The following DYNC1I1 variants were observed in gnomAD, a reference collection of about 807,000 sequenced individuals.
DYNC1I1 encodes the protein dynein cytoplasmic 1 intermediate chain 1.
Under a neutral mutation model 86.6 loss-of-function variants are expected in DYNC1I1, and 43 were observed. That is an observed-to-expected ratio of 0.50 (90% CI 0.39 to 0.64). The LOEUF (loss-of-function observed/expected upper bound fraction) is 0.64. Ranked by LOEUF, DYNC1I1 falls within the 30% of genes least tolerant of loss-of-function variation. The pLI is 0.00. For synonymous variants in DYNC1I1, 262 were observed against 283.7 expected, an observed-to-expected ratio of 0.92 and a Z score of 0.77; for missense variants, 604 against 788.8, an observed-to-expected ratio of 0.77 and a Z score of 2.81.
intron 16 of DYNC1I1, among the ~76,000 whole-genome samples, chr7:96,106,765 G>A (rs1042875992): frequency 6.6e-6 from 1 of 152,100 alleles, no homozygotes; most frequent in Non-Finnish European, 1.5e-5. Flanking sequence ...TCTGCTTAGT[G>A]AGAAAACATA....
At chr7:96,041,598 A>G (rs1427603266) in intron 14 of DYNC1I1, among the ~76,000 whole-genome samples, 1 of 152,198 alleles carries the variant, frequency 6.6e-6, no homozygotes, top group Non-Finnish European at 1.5e-5. Context: ...GTGTGAATCA[A>G]AAGTATGGTA....
In DYNC1I1 at chr7:95,869,988, T is replaced by C; in HGVS notation, c.480T>C (p.His160=). The C allele has an allele frequency of 6.2e-7, 1 of 1,613,498 alleles. No homozygotes were observed. The highest frequency in any genetic ancestry group is 8.5e-7 in the Non-Finnish European group (1 of 1,179,744). ...AGACCCAGACTCCTCTTGCCACGCATCAGTCTGAAGGTAAACTATGTCTTT... is the reference window on the plus strand; with the variant it reads ...AGACCCAGACTCCTCTTGCCACGCACCAGTCTGAAGGTAAACTATGTCTTT... The part of the protein sequence containing the change: ...SKETQTPLAT[H]QSEEDEEDEE... The change falls in exon 6 of 17, where the codon CAT becomes CAC. Residue 160 remains histidine (H), a synonymous_variant. Coordinates refer to ENST00000447467, the MANE Select transcript of DYNC1I1 (RefSeq NM_001135556.2).
intron 1 of DYNC1I1, chr7:95,804,326 G>A (rs530205915): frequency 5.5e-6 from 7 of 1,263,658 alleles, no homozygotes; most frequent in Non-Finnish European, 6.1e-6. Flanking sequence ...TTTTCTCAGT[G>A]TGGGGATGAA....
At chr7:95,897,551 A>G (rs1357970398) in intron 6 of DYNC1I1, among the ~76,000 whole-genome samples, 1 of 152,162 alleles carries the variant, frequency 6.6e-6, no homozygotes, top group Non-Finnish European at 1.5e-5. Context: ...AGGGCAGGAA[A>G]GAAGAATTTA....
intron 6 of DYNC1I1, among the ~76,000 whole-genome samples, chr7:95,973,376 G>A (rs545861156): frequency 1.8e-4 from 27 of 152,266 alleles, no homozygotes; most frequent in African/African-American, 6.0e-4. Flanking sequence ...AAGGCTGATA[G>A]ACAAAGAATT....
At chr7:96,110,144 T>C (rs570086560), downstream of DYNC1I1, 3 of 416,406 alleles carry the variant, frequency 7.2e-6, no homozygotes, top group East Asian at 8.5e-5. Flanking sequence ...GGAAGTATAA[T>C]TGTGGATATC....
intron 6 of DYNC1I1, among the ~76,000 whole-genome samples, chr7:95,940,773 T>C (rs928708619): frequency 9.8e-5 from 15 of 152,346 alleles, no homozygotes; most frequent in Middle Eastern, 3.4e-3. Context: ...AGTAGTTTGA[T>C]CATCTGAAGC....
At position 95,801,609 on chromosome 7, in the gene DYNC1I1, T is replaced by G. The variant is rs771856061; in HGVS notation, c.-9-3112T>G. On this transcript the variant is annotated intron_variant, in intron 1 of 16. Coordinates refer to ENST00000447467, the MANE Select transcript of DYNC1I1 (RefSeq NM_001135556.2). ...CTCACATTTTCTAAGAAGATTCTCC[T>G]GGCTGCTTTCAGCTTAGAATGAAAC... 6.8e-4 allele frequency among the ~76,000 whole-genome samples: 104 copies of G among 152,344 alleles called. 1 individual carries two copies. The highest frequency in any genetic ancestry group is 1.4e-3 in the Non-Finnish European group (94 of 68,030).
At chr7:96,005,774 C>A (rs1168265410) in intron 10 of DYNC1I1, among the ~76,000 whole-genome samples, 1 of 152,150 alleles carries the variant, frequency 6.6e-6, no homozygotes. Flanking sequence ...TTCAGAAAAT[C>A]CACACGGGGA....
chr7:95,964,909 G>A (rs1187075210), intron 6 of DYNC1I1, among the ~76,000 whole-genome samples: 1 of 152,184 alleles, frequency 6.6e-6, no homozygotes, highest in African/African-American at 2.4e-5. Context: ...AAAGCTGTGA[G>A]GTGTGAGTTC....
intron 6 of DYNC1I1, among the ~76,000 whole-genome samples, chr7:95,961,576 T>C (rs934495351): frequency 6.6e-6 from 1 of 152,204 alleles, no homozygotes. Context: ...CAATATAGAA[T>C]GGCAGAAGTT....
intron 3 of DYNC1I1, 178 bp from the exon 4 acceptor site, chr7:95,813,069 A>C (rs1584246207): frequency 5.2e-6 from 7 of 1,341,918 alleles, no homozygotes; most frequent in Middle Eastern, 5.3e-4. Context: ...CAAAAAATTC[A>C]CTGGACTTTT....
chr7:96,039,538 A>T, intron 14 of DYNC1I1, 117 bp downstream of exon 14: 2 of 1,298,258 alleles, frequency 1.5e-6, no homozygotes, highest in South Asian at 1.2e-5. Context: ...TTGGGAATTC[A>T]TATACCTTCT....
intron 5 of DYNC1I1, among the ~76,000 whole-genome samples, chr7:95,841,733 G>T (rs539918568): frequency 2.0e-5 from 3 of 152,340 alleles, no homozygotes; most frequent in African/African-American, 7.2e-5. Context: ...ACTAGTAATT[G>T]CCTGCCCTGT....
chr7:96,105,115 T>A (rs921346045), intron 16 of DYNC1I1, among the ~76,000 whole-genome samples: 1 of 152,014 alleles, frequency 6.6e-6, no homozygotes, highest in African/African-American at 2.4e-5. Flanking sequence ...TATTTTTCAA[T>A]TTTTTAACAA....
intron 6 of DYNC1I1, among the ~76,000 whole-genome samples, chr7:95,925,795 A>G (rs1410658114): frequency 6.6e-6 from 1 of 152,184 alleles, no homozygotes; most frequent in Non-Finnish European, 1.5e-5. Flanking sequence ...CAGTTTTATT[A>G]TGTGGAGTTG....
Position 96,074,217 on chromosome 7 carries a change from T to C in DYNC1I1, c.1510-1840T>C, listed in dbSNP as rs570053959. On this transcript the variant is annotated intron_variant, in intron 14 of 16. Coordinates refer to ENST00000447467, the MANE Select transcript of DYNC1I1 (RefSeq NM_001135556.2). Reference sequence around the variant, plus strand: ...GACACATCTCACTATATCCACATAGTGGCCCATCTAAAATATTCTGTGTTG... The same window carrying C: ...GACACATCTCACTATATCCACATAGCGGCCCATCTAAAATATTCTGTGTTG... 1.3e-5 allele frequency among the ~76,000 whole-genome samples: 2 copies of C among 152,214 alleles called. 1 individual carries two copies. The highest frequency in any genetic ancestry group is 2.9e-5 in the Non-Finnish European group (2 of 68,040).
At chr7:95,775,929 C>T (rs1359874559) in intron 1 of DYNC1I1, among the ~76,000 whole-genome samples, 1 of 152,138 alleles carries the variant, frequency 6.6e-6, no homozygotes, top group Non-Finnish European at 1.5e-5. Context: ...AATGTATAAA[C>T]CCTTGACGAG....
At chr7:95,969,282 G>GT (rs1357356110) in intron 6 of DYNC1I1, among the ~76,000 whole-genome samples, 1 of 152,164 alleles carries the variant, frequency 6.6e-6, no homozygotes, top group Non-Finnish European at 1.5e-5. Context: ...TGGTGGAGGG[G>GT]TGGGTTCTGA....
Sources: allele counts gnomAD v4.1 joint callset (sites outside exome capture counted in the v4.1 genomes callset), GRCh38; gene constraint gnomAD v4.1.1; transcripts MANE v1.5; gene names NCBI Gene and HGNC (gene_info 2026-07-23, HGNC 2026-07-21).